IL21R: variants seen among roughly 807,000 people sequenced by gnomAD.
IL21R encodes the protein interleukin-21 receptor.
In IL21R, 14 loss-of-function variants were observed where a neutral mutation model predicts 41.3. The observed-to-expected ratio is 0.34, with a 90% CI of 0.22 to 0.53. The LOEUF (loss-of-function observed/expected upper bound fraction) is 0.53, where lower values mean the gene tolerates loss of function less well. Ranked by LOEUF, IL21R falls within the 20% of genes least tolerant of loss-of-function variation. The probability of loss-of-function intolerance (pLI) is 0.94; values close to 1 mark genes in which losing one functional copy is unlikely to be tolerated. For missense variants in IL21R, 588 were observed against 681.6 expected, an observed-to-expected ratio of 0.86 and a Z score of 1.53; for synonymous variants, 286 against 287.6, an observed-to-expected ratio of 0.99 and a Z score of 0.05.
In IL21R at chr16:27,430,082, G is replaced by T; in HGVS notation, c.11G>T (p.Gly4Val). ...CCCGTGGGAGTCAGCATGCCGCGTG[G>T]CTGGGCCGCCCCCTTGCTCCTGCTG... MPR[G>V]WAAPLLLLLL... is the part of the protein sequence containing the mutation. The change falls in exon 2 of 9, where the codon GGC (glycine) becomes GTC (valine). Residue 4 changes from glycine to valine, a missense_variant. By Grantham distance (109) the Gly-to-Val change is moderately radical. Coordinates refer to ENST00000337929, the MANE Select transcript of IL21R (RefSeq NM_181078.3). 1 of 1,606,014 alleles carries T rather than the reference G, an allele frequency of 6.2e-7. No individual in the cohort carries two copies. Among genetic ancestry groups the T allele is most frequent in the Non-Finnish European group, 8.5e-7 (1 of 1,179,818 alleles).
chr16:27,415,859 C>T (rs866368352), intron 1 of IL21R, among the ~76,000 whole-genome samples: 1 of 152,172 alleles, frequency 6.6e-6, no homozygotes, highest in Non-Finnish European at 1.5e-5. Context: ...GGACTATGTG[C>T]CTGGTATCAT....
At chr16:27,426,370 A>C (rs2087078211) in intron 1 of IL21R, among the ~76,000 whole-genome samples, 1 of 152,256 alleles carries the variant, frequency 6.6e-6, no homozygotes, top group African/African-American at 2.4e-5. Flanking sequence ...GATCAATAGT[A>C]AGTGGATAAT....
At chr16:27,422,311 G>A (rs1411045886) in intron 1 of IL21R, among the ~76,000 whole-genome samples, 1 of 151,962 alleles carries the variant, frequency 6.6e-6, no homozygotes, top group Non-Finnish European at 1.5e-5. Flanking sequence ...ATTTAAATCT[G>A]TGGCTTAATG....
intron 2 of IL21R, among the ~76,000 whole-genome samples, chr16:27,431,973 C>T (rs1374158078): frequency 5.9e-5 from 9 of 151,996 alleles, no homozygotes; most frequent in Non-Finnish European, 1.5e-5. Context: ...CGCTGCACCA[C>T]CCCCAGAGGG....
intron 6 of IL21R, 116 bp from the exon 7 acceptor site, chr16:27,445,061 T>C (rs1488615043): frequency 1.4e-5 from 10 of 716,722 alleles, no homozygotes; most frequent in Non-Finnish European, 2.5e-5. Flanking sequence ...ACACTAGCAG[T>C]AACAGCCTCT....
Position 27,434,417 on chromosome 16 carries a change from G to GAAC in IL21R, c.121_123dup (p.Asn41dup). On this transcript the variant is annotated inframe_insertion, in exon 3 of 9. Coordinates refer to ENST00000337929, the MANE Select transcript of IL21R (RefSeq NM_181078.3). ...CGGTCATCTGCATCCTGGAAATGTG[G>GAAC]AACCTCCACCCCAGCACGCTCACCC... 1 of 1,613,860 alleles carries GAAC rather than the reference G, an allele frequency of 6.2e-7. No individual in the cohort carries two copies.
rs1374300043 is a variant in IL21R at position 27,402,585 on chromosome 16, G to A, written c.-50G>A. ...CCCATCAGACTGCCCCCAGCACACGGAATGGATTTCTGAGAAAGAAGCCGA... is the reference window on the plus strand; with the variant it reads ...CCCATCAGACTGCCCCCAGCACACGAAATGGATTTCTGAGAAAGAAGCCGA... On this transcript the variant is annotated 5_prime_UTR_variant, in exon 1 of 9. Transcript: ENST00000337929. The A allele has an allele frequency of 6.5e-6, 1 of 154,922 alleles. No individual in the cohort carries two copies. The highest frequency in any genetic ancestry group is 1.4e-5 in the Non-Finnish European group (1 of 69,630). 9.6% of individuals were successfully genotyped at this position (154,922 alleles called of 1,614,324 possible).
At chr16:27,430,415 C>A (rs1423254797) in intron 2 of IL21R, among the ~76,000 whole-genome samples, 2 of 152,224 alleles carry the variant, frequency 1.3e-5, no homozygotes, top group Non-Finnish European at 2.9e-5. Context: ...TCCTTCATTT[C>A]CCCTGACCTC....
intron 2 of IL21R, 74 bp from the exon 3 acceptor site, chr16:27,434,273 C>G (rs559255113): frequency 2.1e-6 from 2 of 952,368 alleles, no homozygotes; most frequent in African/African-American, 3.2e-5. Flanking sequence ...CTCCAGCCCT[C>G]GAGGGGATGG....
chr16:27,449,591 C>T lies in IL21R; in HGVS notation c.*308C>T, dbSNP rs1314431837. On this transcript the variant is annotated 3_prime_UTR_variant, in exon 9 of 9. Transcript: ENST00000337929. Reference sequence around the variant, plus strand: ...CCTGCCCTGTGCATGTCTGGACTCACGGAGCTCACCCATGTGCACAAGTGT... The same window carrying T: ...CCTGCCCTGTGCATGTCTGGACTCATGGAGCTCACCCATGTGCACAAGTGT... 2.1e-5 allele frequency: 9 copies of T among 434,878 alleles called. No individual in the cohort carries two copies. In the East Asian group the frequency reaches 2.2e-4, roughly 11 times the overall value. 26.9% of individuals were successfully genotyped at this position (434,878 alleles called of 1,614,324 possible). A position where few individuals can be genotyped will look rare whatever the true frequency, so the allele number is the denominator to read the frequency against.
chr16:27,423,588 G>A (rs2087030649), intron 1 of IL21R, among the ~76,000 whole-genome samples: 1 of 152,064 alleles, frequency 6.6e-6, no homozygotes, highest in Non-Finnish European at 1.5e-5. Flanking sequence ...GATTTTGTAT[G>A]GTTTTCAGTG....
intron 1 of IL21R, among the ~76,000 whole-genome samples, chr16:27,405,860 C>T (rs2086735975): frequency 6.6e-6 from 1 of 152,382 alleles, no homozygotes; most frequent in South Asian, 2.1e-4. Flanking sequence ...ACAAGGAGGG[C>T]CCCCGACTGC....
At chr16:27,410,138 C>G (rs954787241) in intron 1 of IL21R, among the ~76,000 whole-genome samples, 1 of 152,094 alleles carries the variant, frequency 6.6e-6, no homozygotes, top group Non-Finnish European at 1.5e-5. Context: ...GAGTTCGAGA[C>G]CAGCCTGGCC....
chr16:27,410,302 A>G (rs2086806179), intron 1 of IL21R, among the ~76,000 whole-genome samples: 1 of 151,832 alleles, frequency 6.6e-6, no homozygotes, highest in African/African-American at 2.4e-5. Flanking sequence ...CTCTAGTGAC[A>G]GAGCTGAGTG....
At chr16:27,438,929 G>GGTGTGTGTGTGTGTGTGT (rs60330499) in intron 4 of IL21R, among the ~76,000 whole-genome samples, 1 of 149,046 alleles carries the variant, frequency 6.7e-6, no homozygotes. Context: ...GCTTTGGCAT[G>GGTGTGTGTGTGTGTGTGT]GTGTGTGTGT....
At chr16:27,430,004 CG>C in intron 1 of IL21R, 51 bp from the exon 2 acceptor site, 11 of 1,500,158 alleles carry the variant, frequency 7.3e-6, no homozygotes, top group Admixed American at 1.8e-5. Context: ...AGGGGGAGGC[CG>C]GGGGAGCCCT....
chr16:27,448,665 G>A lies in IL21R; in HGVS notation c.999G>A (p.Glu333=). Residue 333 remains glutamate, a synonymous_variant, in exon 9 of 9, where the codon GAG becomes GAA. Coordinates refer to ENST00000337929, the MANE Select transcript of IL21R (RefSeq NM_181078.3). Reference sequence around the variant, plus strand: ...CGGCCAAGAGGCTGCAGCTCACGGAGCTACAAGAACCAGCAGAGCTGGTGG... The same window carrying A: ...CGGCCAAGAGGCTGCAGCTCACGGAACTACAAGAACCAGCAGAGCTGGTGG... The part of the protein sequence containing the change: ...RSPAKRLQLT[E]LQEPAELVES... 1 of 1,613,158 alleles carries A rather than the reference G, an allele frequency of 6.2e-7. No homozygotes were observed. Among genetic ancestry groups the A allele is most frequent in the Non-Finnish European group, 8.5e-7 (1 of 1,180,014 alleles).
rs572060728 is a variant in IL21R, at chr16:27,418,162, C to T, written c.-16-11894C>T. Among the ~76,000 whole-genome samples the T allele has an allele frequency of 7.3e-4, 111 of 151,516 alleles. 1 individual carries two copies. The highest frequency in any genetic ancestry group is 1.9e-3 in the South Asian group (9 of 4,816). On this transcript the variant is annotated intron_variant, in intron 1 of 8. Coordinates refer to ENST00000337929, the MANE Select transcript of IL21R (RefSeq NM_181078.3). ...TCGGCTCACTGCAAGCTCCGCCTCC[C>T]GGGTTCACGCCATTCTCCTGCCTCA...
At chr16:27,445,306 G>C (rs931830143) in intron 7 of IL21R, 30 bp downstream of exon 7, 1 of 1,494,538 alleles carries the variant, frequency 6.7e-7, no homozygotes, top group Non-Finnish European at 9.3e-7. Context: ...AAGGCAGGGA[G>C]GTGGTCAGCC....
Sources: gnomAD v4.1 joint callset for allele counts (sites outside exome capture counted in the v4.1 genomes callset) on GRCh38, gnomAD v4.1.1 for gene constraint, MANE v1.5 for transcripts, NCBI Gene and HGNC (gene_info 2026-07-23, HGNC 2026-07-21) for gene names.